SCAI: variants seen among roughly 807,000 people sequenced by gnomAD.
SCAI encodes protein SCAI.
In SCAI, 24 loss-of-function variants were observed where a neutral mutation model predicts 92.2. The observed-to-expected ratio is 0.26, with a 90% CI of 0.19 to 0.37. The LOEUF (loss-of-function observed/expected upper bound fraction) is 0.37, where lower values mean the gene tolerates loss of function less well. SCAI is among the 10% of genes least tolerant of loss of function. The pLI is 1.00. For missense variants in SCAI, 450 were observed against 736.2 expected (o/e 0.61, Z 4.50); for synonymous variants, 261 against 258.6 (o/e 1.01, Z -0.09).
chr9:125,132,310 C>A (rs184226054), intron 2 of SCAI, among the ~76,000 whole-genome samples: 1 of 151,982 alleles, frequency 6.6e-6, no homozygotes, highest in African/African-American at 2.4e-5. Flanking sequence ...GAAAGGGTTT[C>A]ATCACGTTAG....
chr9:125,127,979 G>A (rs1835312825), intron 2 of SCAI, among the ~76,000 whole-genome samples: 1 of 151,544 alleles, frequency 6.6e-6, no homozygotes, highest in Non-Finnish European at 1.5e-5. Flanking sequence ...CTGCACTCCA[G>A]CCTGGCCAAC....
intron 3 of SCAI, among the ~76,000 whole-genome samples, chr9:125,048,201 T>C (rs1833485556): frequency 6.6e-6 from 1 of 152,042 alleles, no homozygotes. Flanking sequence ...TGGGCTCAAA[T>C]TCCTAACCTC....
chr9:125,072,271 C>G (rs2131164413), intron 2 of SCAI, among the ~76,000 whole-genome samples: 1 of 152,290 alleles, frequency 6.6e-6, no homozygotes, highest in African/African-American at 2.4e-5. Context: ...ATCCGCCCAC[C>G]TTGGCCTCCC....
At chr9:125,014,148 C>G (rs1237619760) in intron 9 of SCAI, among the ~76,000 whole-genome samples, 1 of 152,164 alleles carries the variant, frequency 6.6e-6, no homozygotes, top group Non-Finnish European at 1.5e-5. Context: ...CTCACCACTC[C>G]TATTCAACAC....
chr9:124,979,557 A>T (rs1831835725), intron 14 of SCAI, among the ~76,000 whole-genome samples: 1 of 152,126 alleles, frequency 6.6e-6, no homozygotes, highest in Non-Finnish European at 1.5e-5. Context: ...AAAAATAAAA[A>T]AAAGACTATT....
At chr9:124,979,161 TC>T (rs1267865758) in intron 14 of SCAI, among the ~76,000 whole-genome samples, 1 of 151,812 alleles carries the variant, frequency 6.6e-6, no homozygotes, top group Non-Finnish European at 1.5e-5. Flanking sequence ...ATGCCCAGCC[TC>T]AATACTTCTT....
chr9:124,948,322 A>G lies in SCAI; in HGVS notation c.*4485T>C, dbSNP rs1043771988. The G allele has an allele frequency of 2.0e-5, 3 of 152,236 alleles. No homozygotes were observed. Among genetic ancestry groups the G allele is most frequent in the Non-Finnish European group, 2.9e-5 (2 of 68,036 alleles). 9.4% of individuals were successfully genotyped at this position (152,236 alleles called of 1,614,324 possible). On this transcript the variant is annotated 3_prime_UTR_variant, in exon 18 of 18. Coordinates refer to ENST00000336505, the MANE Select transcript of SCAI (RefSeq NM_001144877.3). ...TCAATTTGGTAAAAATAAAGAGGGT[A>G]CAATAAATTCTGTGCTTTGAAAGGT...
intron 17 of SCAI, among the ~76,000 whole-genome samples, chr9:124,959,398 C>T (rs1486847215): frequency 6.7e-6 from 1 of 149,628 alleles, no homozygotes; most frequent in Non-Finnish European, 1.5e-5. Context: ...GAAAAGCAAC[C>T]TTCAAAAGCT....
intron 14 of SCAI, among the ~76,000 whole-genome samples, chr9:124,979,146 C>G (rs1831824694): frequency 1.3e-5 from 2 of 151,864 alleles, no homozygotes; most frequent in South Asian, 4.2e-4. Context: ...CAAGTGTGAG[C>G]CACCATGCCC....
At chr9:125,020,830 T>A (rs1389513776) in intron 6 of SCAI, 61 bp from the exon 7 acceptor site, 47 of 721,802 alleles carry the variant, frequency 6.5e-5, no homozygotes, top group South Asian at 9.7e-5. Flanking sequence ...TTGATTTTTT[T>A]AATTTTCTGA....
At chr9:125,095,128 C>G (rs1834519496) in intron 2 of SCAI, among the ~76,000 whole-genome samples, 1 of 152,136 alleles carries the variant, frequency 6.6e-6, no homozygotes, top group Non-Finnish European at 1.5e-5. Context: ...CATGTGCTTC[C>G]CAAGACAATC....
intron 3 of SCAI, among the ~76,000 whole-genome samples, chr9:125,052,925 TAGTA>T (rs1311245404): frequency 6.7e-6 from 1 of 150,172 alleles, no homozygotes; most frequent in African/African-American, 2.5e-5. Context: ...AGACAGAAAA[TAGTA>T]AGTGTTGATG....
rs1564358560 is a variant in SCAI at position 124,962,173 on chromosome 9, G to GGC, written c.1674+9196_1674+9197insGC. On this transcript the variant is annotated intron_variant, in intron 17 of 17. Transcript: ENST00000336505. ...GTCTTTTTTTTTTTTTTTTTTTTGC[G>GGC]GGGGGGGATGGAGTCTTGCTCTGTC... 2.5e-5 allele frequency among the ~76,000 whole-genome samples: 3 copies of GGC among 118,630 alleles called. No individual in the cohort carries two copies. The East Asian group carries it at 7.3e-4, about 29-fold the overall frequency. 77.8% of individuals were successfully genotyped at this position (118,630 alleles called of 152,430 possible).
chr9:125,009,983 A>G (rs1263391652), intron 9 of SCAI, among the ~76,000 whole-genome samples: 1 of 152,216 alleles, frequency 6.6e-6, no homozygotes, highest in Non-Finnish European at 1.5e-5. Context: ...TCACGAGGTC[A>G]GGAGACCAAG....
intron 13 of SCAI, among the ~76,000 whole-genome samples, chr9:124,998,725 G>C (rs1339926985): frequency 2.6e-5 from 4 of 152,038 alleles, no homozygotes; most frequent in Non-Finnish European, 1.5e-5. Flanking sequence ...GGGTTCAAGT[G>C]ATTCTCCTGC....
intron 2 of SCAI, among the ~76,000 whole-genome samples, chr9:125,084,158 CTTTTTTTT>C (rs34786493): frequency 1.4e-4 from 9 of 65,134 alleles, no homozygotes; most frequent in Admixed American, 9.9e-4. Context: ...TTGGCTGCTG[CTTTTTTTT>C]TTTTTTTTTT....
At chr9:125,064,119 G>A (rs1266013101) in intron 2 of SCAI, among the ~76,000 whole-genome samples, 5 of 151,898 alleles carry the variant, frequency 3.3e-5, no homozygotes, top group African/African-American at 7.3e-5. Flanking sequence ...AAATAAAAAC[G>A]GATAAAACTA....
chr9:125,045,639 C>T (rs1588174621), intron 3 of SCAI, among the ~76,000 whole-genome samples: 1 of 152,168 alleles, frequency 6.6e-6, no homozygotes, highest in African/African-American at 2.4e-5. Context: ...CCTGGCCTGC[C>T]TCTATTCTTA....
chr9:124,968,083 TC>T (rs1326368136), intron 17 of SCAI, among the ~76,000 whole-genome samples: 1 of 152,154 alleles, frequency 6.6e-6, no homozygotes. Flanking sequence ...AGGGAGGAAA[TC>T]AGACAATTAA....
Sources: allele counts gnomAD v4.1 joint callset (sites outside exome capture counted in the v4.1 genomes callset), GRCh38; gene constraint gnomAD v4.1.1; transcripts MANE v1.5; gene names NCBI Gene and HGNC (gene_info 2026-07-23, HGNC 2026-07-21).